The following ERC1 variants were observed in gnomAD, a reference collection of about 807,000 sequenced individuals.
The protein encoded by ERC1 is RAB6 interacting protein 2.
In ERC1, 56 loss-of-function variants were observed where a neutral mutation model predicts 132.0. That is an observed-to-expected ratio of 0.42 (90% CI 0.34 to 0.53). The LOEUF is 0.53. Among genes scored for constraint, ERC1 ranks in the 20% least tolerant of loss-of-function variants. ERC1 has a pLI of 0.03. For missense variants in ERC1, 1,202 were observed against 1,349.9 expected (o/e 0.89, Z 1.72); for synonymous variants, 478 against 476.1 (o/e 1.00, Z -0.05).
intron 8 of ERC1, among the ~76,000 whole-genome samples, chr12:1,144,663 T>TAC (rs1555268220): frequency 4.6e-5 from 7 of 150,592 alleles, no homozygotes; most frequent in East Asian, 1.9e-4. Flanking sequence ...TATATATATA[T>TAC]ACACACCACA....
intron 4 of ERC1, 115 bp downstream of exon 4, chr12:1,104,939 G>C (rs1368077682): frequency 1.6e-6 from 1 of 631,014 alleles, no homozygotes; most frequent in South Asian, 2.0e-5. Flanking sequence ...CTTATTTGGA[G>C]ATTAAGAGTG....
intron 2 of ERC1, among the ~76,000 whole-genome samples, chr12:1,063,202 G>T (rs905660867): frequency 2.6e-5 from 4 of 152,008 alleles, no homozygotes; most frequent in African/African-American, 7.3e-5. Flanking sequence ...CAAGTAGCTG[G>T]GGATTACAAG....
intron 14 of ERC1, among the ~76,000 whole-genome samples, chr12:1,273,105 A>C (rs371276053): frequency 3.3e-5 from 5 of 152,158 alleles, no homozygotes; most frequent in African/African-American, 1.2e-4. Flanking sequence ...ATACTTTCTT[A>C]GCATTATTTG....
intron 2 of ERC1, 134 bp from the exon 3 acceptor site, chr12:1,083,030 A>G (rs1942456888): frequency 4.1e-6 from 3 of 725,844 alleles, no homozygotes; most frequent in South Asian, 1.9e-5. Context: ...AAGGACCTGT[A>G]AAACAGAATA....
intron 15 of ERC1, among the ~76,000 whole-genome samples, chr12:1,323,354 T>A (rs1419518664): frequency 1.3e-5 from 2 of 152,236 alleles, no homozygotes; most frequent in Non-Finnish European, 2.9e-5. Flanking sequence ...TGACAGCCAA[T>A]GTAAGATATT....
intron 15 of ERC1, among the ~76,000 whole-genome samples, chr12:1,341,849 G>T (rs2083931517): frequency 6.6e-6 from 1 of 152,066 alleles, no homozygotes; most frequent in Admixed American, 6.6e-5. Flanking sequence ...GATCAGCCTG[G>T]AATATTTTTC....
chr12:1,225,475 C>A (rs1013288724), intron 12 of ERC1, among the ~76,000 whole-genome samples: 2 of 151,674 alleles, frequency 1.3e-5, no homozygotes, highest in Middle Eastern at 3.2e-3. Flanking sequence ...CACACACACA[C>A]ACACACACAC....
intron 15 of ERC1, among the ~76,000 whole-genome samples, chr12:1,341,446 A>G (rs1461473200): frequency 6.6e-6 from 1 of 152,124 alleles, no homozygotes; most frequent in Non-Finnish European, 1.5e-5. Context: ...GATTAAGAAA[A>G]TGTGGCACAT....
At chr12:1,133,333 C>A (rs933084076) in intron 7 of ERC1, among the ~76,000 whole-genome samples, 1 of 152,266 alleles carries the variant, frequency 6.6e-6, no homozygotes, top group East Asian at 1.9e-4. Context: ...TTTTCTAAGG[C>A]TTTGACCTCC....
intron 16 of ERC1, among the ~76,000 whole-genome samples, chr12:1,383,521 C>CT (rs1387178223): frequency 6.6e-6 from 1 of 152,178 alleles, no homozygotes; most frequent in African/African-American, 2.4e-5. Context: ...GTAATCTCAG[C>CT]TACTCAGGAG....
At chr12:1,413,226 C>T (rs987161996) in intron 17 of ERC1, among the ~76,000 whole-genome samples, 24 of 152,086 alleles carry the variant, frequency 1.6e-4, no homozygotes, top group African/African-American at 5.6e-4. Context: ...CTAAGACACA[C>T]GGACTGAAGC....
At chr12:1,366,603 G>A (rs2086681201) in intron 15 of ERC1, among the ~76,000 whole-genome samples, 1 of 152,126 alleles carries the variant, frequency 6.6e-6, no homozygotes, top group Non-Finnish European at 1.5e-5. Flanking sequence ...CTGAATATTA[G>A]GCAAAAATAT....
At chr12:1,444,384 G>A in intron 17 of ERC1, 178 bp from the exon 18 acceptor site, 1 of 530,536 alleles carries the variant, frequency 1.9e-6, no homozygotes, top group Non-Finnish European at 3.3e-6. Flanking sequence ...GCGTAAATGT[G>A]TGACAGTATG....
Position 1,495,246 on chromosome 12 carries a change from T to C in ERC1, c.*5016T>C, listed in dbSNP as rs1228121653. ...GTGACCACCCAGCACGGGTGAGCACTGGCCAGCCTGGAGCCTGCAATCCAG... is the reference window on the plus strand; with the variant it reads ...GTGACCACCCAGCACGGGTGAGCACCGGCCAGCCTGGAGCCTGCAATCCAG... On this transcript the variant is annotated 3_prime_UTR_variant, in exon 19 of 19. Coordinates refer to ENST00000360905, the MANE Select transcript of ERC1 (RefSeq NM_178040.4). 2.2e-5 allele frequency: 5 copies of C among 230,508 alleles called. No individual in the cohort carries two copies. The East Asian group carries it at 2.5e-4, about 11-fold the overall frequency. 14.3% of individuals were successfully genotyped at this position (230,508 alleles called of 1,614,324 possible).
intron 18 of ERC1, among the ~76,000 whole-genome samples, chr12:1,448,170 C>T (rs1208827167): frequency 6.6e-6 from 1 of 152,214 alleles, no homozygotes; most frequent in African/African-American, 2.4e-5. Flanking sequence ...TGCACTCATC[C>T]AAACAATTGT....
chr12:1,450,420 T>G (rs1410199665), intron 18 of ERC1, among the ~76,000 whole-genome samples: 2 of 152,236 alleles, frequency 1.3e-5, no homozygotes, highest in Non-Finnish European at 2.9e-5. Flanking sequence ...GTTTTGTGAC[T>G]GACGTATTTC....
intron 14 of ERC1, among the ~76,000 whole-genome samples, chr12:1,274,377 A>G (rs1252206589): frequency 3.9e-5 from 6 of 152,244 alleles, no homozygotes; most frequent in Non-Finnish European, 1.5e-5. Flanking sequence ...AATTTGATCC[A>G]TGCAAATAAA....
At chr12:1,403,422 CAG>C (rs1017176371) in intron 16 of ERC1, among the ~76,000 whole-genome samples, 2 of 152,196 alleles carry the variant, frequency 1.3e-5, no homozygotes, top group African/African-American at 4.8e-5. Flanking sequence ...CTTAAGAGCA[CAG>C]AGTCATTTAT....
intron 15 of ERC1, among the ~76,000 whole-genome samples, chr12:1,361,486 A>G (rs1170839210): frequency 6.6e-6 from 1 of 152,246 alleles, no homozygotes; most frequent in East Asian, 1.9e-4. Flanking sequence ...GTAGAAATGC[A>G]TGATTTGATT....
Sources: allele counts gnomAD v4.1 joint callset (sites outside exome capture counted in the v4.1 genomes callset), GRCh38; gene constraint gnomAD v4.1.1; transcripts MANE v1.5; gene names NCBI Gene and HGNC (gene_info 2026-07-23, HGNC 2026-07-21).